The following PTH1R variants were observed in gnomAD, a reference collection of about 807,000 sequenced individuals.
PTH1R encodes parathyroid hormone 1 receptor.
In PTH1R, 32 loss-of-function variants were observed where a neutral mutation model predicts 70.7. The ratio of observed to expected loss-of-function variants is 0.45; its 90% CI spans 0.34 to 0.61. PTH1R has a LOEUF of 0.61. PTH1R is among the 20% of genes least tolerant of loss of function. The probability of loss-of-function intolerance (pLI) is 0.01; values close to 1 mark genes in which losing one functional copy is unlikely to be tolerated. For missense variants in PTH1R, 626 were observed against 792.5 expected (o/e 0.79, Z 2.52); for synonymous variants, 329 against 324.8 (o/e 1.01, Z -0.14).
Position 46,903,211 on chromosome 3 carries a change from G to T in PTH1R, c.1396-59G>T, listed in dbSNP as rs111295825. 233 of 1,604,366 alleles carry T rather than the reference G, an allele frequency of 1.5e-4. 1 individual carries two copies. The African/African-American group carries it at 2.8e-3, about 19-fold the overall frequency. ...TCCGTGCTGGGTGTCCAGGGGCCGG[G>T]ATGGGGCATCGCTGGGGTTGGGAGA... is the stretch of plus-strand genomic sequence containing the variant. On this transcript the variant is annotated intron_variant, in intron 15 of 15. Transcript: ENST00000449590. The surrounding 1 kb of genome is among the most constrained non-coding windows in gnomAD (Gnocchi z 4.4).
At chr3:46,900,141 T>A (rs2032031456) in intron 10 of PTH1R, among the ~76,000 whole-genome samples, 1 of 152,082 alleles carries the variant, frequency 6.6e-6, no homozygotes, top group African/African-American at 2.4e-5. Flanking sequence ...CTCTCTGCAC[T>A]CAGCACCCAG....
chr3:46,898,455 C>T lies in PTH1R; in HGVS notation c.621C>T (p.Leu207=). 1 of 1,614,062 alleles carries T rather than the reference C, an allele frequency of 6.2e-7. No individual in the cohort carries two copies. The highest frequency in any genetic ancestry group is 8.5e-7 in the Non-Finnish European group (1 of 1,180,018). The part of the protein sequence containing the change: ...VSLASLTVAV[L]ILAYFRRLHC... ...TGGCGTCCCTCACCGTAGCTGTGCT[C>T]ATCCTGGCCTACTTTAGGTGGGCGG... The change falls in exon 8 of 16, where the codon CTC becomes CTT. Residue 207 remains leucine (L), a synonymous_variant. Coordinates refer to ENST00000449590, the MANE Select transcript of PTH1R (RefSeq NM_000316.3).
rs1195328361 is a variant in PTH1R, at chr3:46,882,568, G to C, written c.-48-944G>C. On this transcript the variant is annotated intron_variant, in intron 2 of 15. Transcript: ENST00000449590. The surrounding 1 kb of genome is among the most constrained non-coding windows in gnomAD (Gnocchi z 4.3). ...GCCAGGCTGCTCTGTCTCGGTGTCA[G>C]TCGGCGGCGCCTCCTCGGAACCCGG... The C allele has an allele frequency of 6.6e-6, 1 of 151,780 alleles. No homozygotes were observed. The highest frequency in any genetic ancestry group is 1.5e-5 in the Non-Finnish European group (1 of 67,840). The allele number at this position is 151,780 out of a possible 1,614,324, so 9.4% of individuals were successfully genotyped here.
At chr3:46,880,693 C>A (rs1334854239) in intron 1 of PTH1R, among the ~76,000 whole-genome samples, 1 of 152,144 alleles carries the variant, frequency 6.6e-6, no homozygotes, top group South Asian at 2.1e-4. Context: ...TGCCACTGGA[C>A]TCCAGCCTGG....
Position 46,898,362 on chromosome 3 carries a change from C to T in PTH1R, c.544-16C>T. On this transcript the variant is annotated splice_polypyrimidine_tract_variant and intron_variant, in intron 7 of 15. Transcript: ENST00000449590. ...GGTCCCAGGGCTCTGACTGTGTCTC[C>T]CCCCGCCCCGCACAGGAGGTGTTTG... 2 of 1,612,820 alleles carry T rather than the reference C, an allele frequency of 1.2e-6. No individual in the cohort carries two copies. The highest frequency in any genetic ancestry group is 8.5e-7 in the Non-Finnish European group (1 of 1,178,908).
chr3:46,880,658 C>T (rs555046500), intron 1 of PTH1R, among the ~76,000 whole-genome samples: 7 of 151,962 alleles, frequency 4.6e-5, no homozygotes, highest in East Asian at 1.9e-4. Flanking sequence ...GCCTGGGAAG[C>T]GGAGGTTGCA....
At chr3:46,886,970 G>A (rs1200039799) in intron 3 of PTH1R, among the ~76,000 whole-genome samples, 2 of 152,064 alleles carry the variant, frequency 1.3e-5, no homozygotes, top group African/African-American at 4.8e-5. Context: ...ATGGCCGAGT[G>A]CAGTGGCTCA....
chr3:46,897,687 C>T lies in PTH1R; in HGVS notation c.314-168C>T, dbSNP rs566669474. The stretch of plus-strand genomic sequence containing the variant: ...CGGAGGTTGCAGTGAGCTGAGATCA[C>T]GCCATTGCCCTCCAGCCTGAGCAAC... On this transcript the variant is annotated intron_variant, in intron 5 of 15. Transcript: ENST00000449590. Among the ~76,000 whole-genome samples the T allele has an allele frequency of 7.9e-4, 120 of 152,306 alleles. 1 individual carries two copies. Among genetic ancestry groups the T allele is most frequent in the African/African-American group, 2.7e-3 (112 of 41,554 alleles).
rs1193529857 is a variant in PTH1R, at chr3:46,883,745, G to A, written c.75+111G>A. 4.0e-6 allele frequency: 5 copies of A among 1,257,264 alleles called. No individual in the cohort carries two copies. The African/African-American group carries it at 4.5e-5, about 11-fold the overall frequency. 77.9% of individuals were successfully genotyped at this position (1,257,264 alleles called of 1,614,324 possible). ...GTTCCCCCAGTAGTTCGAACTTTGG[G>A]TGAGAGTCCCCTCTGATCCAGGATC... On this transcript the variant is annotated intron_variant, in intron 3 of 15. Coordinates refer to ENST00000449590, the MANE Select transcript of PTH1R (RefSeq NM_000316.3). The surrounding 1 kb of genome is among the most constrained non-coding windows in gnomAD (Gnocchi z 6.4).
intron 4 of PTH1R, among the ~76,000 whole-genome samples, chr3:46,894,887 C>A (rs552858210): frequency 1.2e-3 from 187 of 151,834 alleles, no homozygotes; most frequent in African/African-American, 4.5e-3. Flanking sequence ...CATAGTGAGA[C>A]CCCATCTCTA....
intron 5 of PTH1R, 126 bp from the exon 6 acceptor site, chr3:46,897,729 C>A: frequency 1.1e-6 from 1 of 918,142 alleles, no homozygotes. Context: ...GAAACTCCGT[C>A]TCAAAAAAAC....
In PTH1R at chr3:46,892,634, C is replaced by G; in HGVS notation, c.76-1273C>G. 1.6e-6 allele frequency: 1 copy of G among 637,276 alleles called. No individual in the cohort carries two copies. Among genetic ancestry groups the G allele is most frequent in the Non-Finnish European group, 2.0e-6 (1 of 510,344 alleles). 39.5% of individuals were successfully genotyped at this position (637,276 alleles called of 1,614,324 possible). A position where few individuals can be genotyped will look rare whatever the true frequency, so the allele number is the denominator to read the frequency against. ...TCTCCCTGCAGCCAGGCTCTCTGAC[C>G]CGGCCTGCCCGCCCCTCTCGCCGGT... is the stretch of plus-strand genomic sequence containing the variant. On this transcript the variant is annotated intron_variant, in intron 3 of 15. Coordinates refer to ENST00000449590, the MANE Select transcript of PTH1R (RefSeq NM_000316.3). This position sits in a 1 kb window ranked among gnomAD's most constrained non-coding sequence, Gnocchi z 5.2.
chr3:46,886,831 G>T (rs2031068413), intron 3 of PTH1R, among the ~76,000 whole-genome samples: 1 of 152,216 alleles, frequency 6.6e-6, no homozygotes, highest in Admixed American at 6.5e-5. Flanking sequence ...AGCAGGATTT[G>T]AACCCAGATC....
At position 46,898,366 on chromosome 3, in the gene PTH1R, C is replaced by T. The variant is rs201482011; in HGVS notation, c.544-12C>T. On this transcript the variant is annotated splice_polypyrimidine_tract_variant and intron_variant, in intron 7 of 15. Coordinates refer to ENST00000449590, the MANE Select transcript of PTH1R (RefSeq NM_000316.3). ...CCAGGGCTCTGACTGTGTCTCCCCC[C>T]GCCCCGCACAGGAGGTGTTTGACCG... The T allele has an allele frequency of 2.6e-5, 42 of 1,612,914 alleles. No homozygotes were observed. The highest frequency in any genetic ancestry group is 8.8e-5 in the South Asian group (8 of 91,058).
In PTH1R at chr3:46,903,567, A is replaced by G. The variant is rs201131669; in HGVS notation, c.1693A>G (p.Asn565Asp). The G allele has an allele frequency of 6.2e-7, 1 of 1,613,796 alleles. No homozygotes were observed. Among genetic ancestry groups the G allele is most frequent in the Non-Finnish European group, 8.5e-7 (1 of 1,180,014 alleles). Reference sequence around the variant, plus strand: ...TGCTCCCAAGGACGATGGGTTCCTCAACGGCTCCTGCTCAGGCCTGGACGA... The same window carrying G: ...TGCTCCCAAGGACGATGGGTTCCTCGACGGCTCCTGCTCAGGCCTGGACGA... ...MAAPKDDGFL[N>D]GSCSGLDEEA... The change falls in exon 16 of 16, where the codon AAC (asparagine) becomes GAC (aspartate). Residue 565 changes from asparagine to aspartate, a missense_variant. Physicochemically the swap from Asn to Asp is conservative, Grantham distance 23 (BLOSUM62 1). Around this residue, in one of 3 missense-constraint regions of PTH1R, gnomAD observed 495 missense variants for 638.7 expected, o/e 0.77. Transcript: ENST00000449590. This position sits in a 1 kb window ranked among gnomAD's most constrained non-coding sequence, Gnocchi z 4.4.
Position 46,898,734 on chromosome 3 carries a change from C to A in PTH1R, c.711C>A (p.Ile237=), listed in dbSNP as rs756549745. 3.7e-6 allele frequency: 6 copies of A among 1,610,650 alleles called. No individual in the cohort carries two copies. Among genetic ancestry groups the A allele is most frequent in the Non-Finnish European group, 5.1e-6 (6 of 1,179,530 alleles). ...CCTTCATGCTGCGCGCCGTGAGCATCTTCGTCAAGGACGCTGTGCTCTACT... is the reference window on the plus strand; with the variant it reads ...CCTTCATGCTGCGCGCCGTGAGCATATTCGTCAAGGACGCTGTGCTCTACT... ...FLSFMLRAVS[I]FVKDAVLYSG... Residue 237 remains isoleucine (I), a synonymous_variant, in exon 9 of 16, where the codon ATC becomes ATA. Coordinates refer to ENST00000449590, the MANE Select transcript of PTH1R (RefSeq NM_000316.3).
chr3:46,901,325 A>G lies in PTH1R; in HGVS notation c.1050-89A>G, dbSNP rs978661073. The G allele has an allele frequency of 3.4e-6, 5 of 1,481,910 alleles. No homozygotes were observed. Among genetic ancestry groups the G allele is most frequent in the Non-Finnish European group, 3.7e-6 (4 of 1,086,026 alleles). 91.8% of individuals were successfully genotyped at this position (1,481,910 alleles called of 1,614,324 possible). On this transcript the variant is annotated intron_variant, in intron 11 of 15. Transcript: ENST00000449590. This position sits in a 1 kb window ranked among gnomAD's most constrained non-coding sequence, Gnocchi z 7.3. Reference sequence around the variant, plus strand: ...CCCCTGCCCTGTGTCCTCAACAGCTAATGTCAGACCAGACCAAATCTGGGT... The same window carrying G: ...CCCCTGCCCTGTGTCCTCAACAGCTGATGTCAGACCAGACCAAATCTGGGT...
chr3:46,881,843 C>G (rs1294565103), intron 2 of PTH1R, among the ~76,000 whole-genome samples: 1 of 152,102 alleles, frequency 6.6e-6, no homozygotes, highest in Non-Finnish European at 1.5e-5. Context: ...GCGTCGCGGC[C>G]GGGGGCGCGC....
In PTH1R at chr3:46,884,736, A is replaced by G. The variant is rs2030908564; in HGVS notation, c.75+1102A>G. On this transcript the variant is annotated intron_variant, in intron 3 of 15. Coordinates refer to ENST00000449590, the MANE Select transcript of PTH1R (RefSeq NM_000316.3). This position sits in a 1 kb window ranked among gnomAD's most constrained non-coding sequence, Gnocchi z 4.8. ...CGGGGCAGAGCTCCAGGCAGTTCCA[A>G]TGAGCCTGGGATTCCTCCACCTTTG... 6.6e-6 allele frequency among the ~76,000 whole-genome samples: 1 copy of G among 152,220 alleles called. No homozygotes were observed. Among genetic ancestry groups the G allele is most frequent in the South Asian group, 2.1e-4 (1 of 4,834 alleles).
Sources: gnomAD v4.1 joint callset for allele counts (sites outside exome capture counted in the v4.1 genomes callset) on GRCh38, gnomAD v4.1.1 for gene constraint, gnomAD v4.1.1 regional missense constraint, Gnocchi (gnomAD v3.1) non-coding constraint, MANE v1.5 for transcripts, NCBI Gene and HGNC (gene_info 2026-07-23, HGNC 2026-07-21) for gene names.